Variants in RAX2 observed in about 807,000 individuals in gnomAD.
RAX2 encodes the protein retina and anterior neural fold homeobox 2.
In RAX2, 4 loss-of-function variants were observed where a neutral mutation model predicts 5.8. That is an observed-to-expected ratio of 0.69 (90% CI 0.34 to 1.58). RAX2 has a LOEUF of 1.58. Among genes scored for constraint, RAX2 ranks in the 40% most tolerant of loss-of-function variants. The pLI is 0.05. For synonymous variants in RAX2, 133 were observed against 128.8 expected (o/e 1.03, Z -0.22); for missense variants, 275 against 271.4 (o/e 1.01, Z -0.09).
At position 3,772,011 on chromosome 19, in the gene RAX2, CTGTGTG is replaced by C; in HGVS notation, c.-268-7_-268-2del. The C allele has an allele frequency of 1.9e-6, 1 of 524,238 alleles. No individual in the cohort carries two copies. The highest frequency in any genetic ancestry group is 3.4e-6 in the Non-Finnish European group (1 of 293,690). 32.5% of individuals were successfully genotyped at this position (524,238 alleles called of 1,614,324 possible). A position where few individuals can be genotyped will look rare whatever the true frequency, so the allele number is the denominator to read the frequency against. The stretch of plus-strand genomic sequence containing the variant: ...TTCCCCTCTCTGTGACTGTCACGGC[CTGTGTG>C]TGTGTGTGTCGGCGGGGGGGGGTCA... On this transcript the variant is annotated splice_acceptor_variant and splice_polypyrimidine_tract_variant and intron_variant, in intron 1 of 2. Transcript: ENST00000555633. LOFTEE classifies it low-confidence loss of function (5UTR_SPLICE).
Position 3,770,426 on chromosome 19 carries a change from CGATGGGGTGGGAGACGG to C in RAX2, c.*178_*194del. 1 of 568,314 alleles carries C rather than the reference CGATGGGGTGGGAGACGG, an allele frequency of 1.8e-6. No individual in the cohort carries two copies. Among genetic ancestry groups the C allele is most frequent in the Non-Finnish European group, 3.1e-6 (1 of 326,424 alleles). The allele number at this position is 568,314 out of a possible 1,614,324, so 35.2% of individuals were successfully genotyped here. On this transcript the variant is annotated 3_prime_UTR_variant, in exon 3 of 3. Coordinates refer to ENST00000555633, the MANE Select transcript of RAX2 (RefSeq NM_001319074.4). ...AGTCCGCTGCCAGCAGGACGGGTGG[CGATGGGGTGGGAGACGG>C]GATGGGGGCAGGGAACCCAGCAGCC... is the stretch of plus-strand genomic sequence containing the variant.
At position 3,770,599 on chromosome 19, in the gene RAX2, G is replaced by A. The variant is rs922852315; in HGVS notation, c.*22C>T. On this transcript the variant is annotated 3_prime_UTR_variant, in exon 3 of 3. Coordinates refer to ENST00000555633, the MANE Select transcript of RAX2 (RefSeq NM_001319074.4). ...CCGGTTCTCGGGTTGGGCCGAGGAG[G>A]GGGCCCGGGAGGGCGGCAGGCTCAG... 16 of 1,528,320 alleles carry A rather than the reference G, an allele frequency of 1.0e-5. No homozygotes were observed. The highest frequency in any genetic ancestry group is 1.4e-5 in the Non-Finnish European group (16 of 1,142,914). The allele number at this position is 1,528,320 out of a possible 1,614,324, so 94.7% of individuals were successfully genotyped here.
rs1383575685 is a variant in RAX2, at chr19:3,771,988, C to G, written c.-246G>C. ...TGTGTCACCGTCCCTGTTTTCTCTTCCCCTCTCTGTGACTGTCACGGCCTG... is the reference window on the plus strand; with the variant it reads ...TGTGTCACCGTCCCTGTTTTCTCTTGCCCTCTCTGTGACTGTCACGGCCTG... On this transcript the variant is annotated 5_prime_UTR_variant, in exon 2 of 3. Coordinates refer to ENST00000555633, the MANE Select transcript of RAX2 (RefSeq NM_001319074.4). This position sits in a 1 kb window ranked among gnomAD's most constrained non-coding sequence, Gnocchi z 4.2. 12 of 655,908 alleles carry G rather than the reference C, an allele frequency of 1.8e-5. No individual in the cohort carries two copies. The South Asian group carries it at 2.1e-4, about 12-fold the overall frequency. The allele number at this position is 655,908 out of a possible 1,614,324, so 40.6% of individuals were successfully genotyped here.
Position 3,772,027 on chromosome 19 carries a change from C to T in RAX2, c.-268-17G>A, listed in dbSNP as rs1305118592. 7.1e-6 allele frequency: 3 copies of T among 422,794 alleles called. No homozygotes were observed. Among genetic ancestry groups the T allele is most frequent in the East Asian group, 3.8e-5 (1 of 26,136 alleles). 26.2% of individuals were successfully genotyped at this position (422,794 alleles called of 1,614,324 possible). On this transcript the variant is annotated splice_polypyrimidine_tract_variant and intron_variant, in intron 1 of 2. Coordinates refer to ENST00000555633, the MANE Select transcript of RAX2 (RefSeq NM_001319074.4). ...TGTCACGGCCTGTGTGTGTGTGTGT[C>T]GGCGGGGGGGGGTCAAGGATGCCCC...
Position 3,771,550 on chromosome 19 carries a change from G to A in RAX2, c.193C>T (p.His65Tyr). The change falls in exon 2 of 3, where the codon CAC becomes TAC. Residue 65 changes from histidine (H) to tyrosine (Y), a missense_variant. Transcript: ENST00000555633. The surrounding 1 kb of genome is among the most constrained non-coding windows in gnomAD (Gnocchi z 4.2). ...YSREELAAKVHLPEVRVQVWF... is the reference protein window; with the variant it reads ...YSREELAAKVYLPEVRVQVWF... Reference sequence around the variant, plus strand: ...ACCTGCACGCGCACCTCAGGTAGGTGCACCTTGGCTGCCAGCTCCTCACGG... The same window carrying A: ...ACCTGCACGCGCACCTCAGGTAGGTACACCTTGGCTGCCAGCTCCTCACGG... 6.2e-7 allele frequency: 1 copy of A among 1,606,726 alleles called. No homozygotes were observed. The highest frequency in any genetic ancestry group is 8.5e-7 in the Non-Finnish European group (1 of 1,177,262).
At position 3,770,562 on chromosome 19, in the gene RAX2, C is replaced by A; in HGVS notation, c.*59G>T. On this transcript the variant is annotated 3_prime_UTR_variant, in exon 3 of 3. Transcript: ENST00000555633. ...TAGGCCAAGGCGTGGTGGCTGTCAC[C>A]AGGGCACGTCCCCGGTTCTCGGGTT... 1 of 1,468,834 alleles carries A rather than the reference C, an allele frequency of 6.8e-7. No homozygotes were observed. Among genetic ancestry groups the A allele is most frequent in the Non-Finnish European group, 9.1e-7 (1 of 1,094,400 alleles). The allele number at this position is 1,468,834 out of a possible 1,614,324, so 91.0% of individuals were successfully genotyped here.
In RAX2 at chr19:3,770,309, AAC is replaced by A; in HGVS notation, c.*310_*311del. 2.3e-6 allele frequency: 1 copy of A among 436,004 alleles called. No individual in the cohort carries two copies. Among genetic ancestry groups the A allele is most frequent in the Non-Finnish European group, 4.1e-6 (1 of 245,334 alleles). The allele number at this position is 436,004 out of a possible 1,614,324, so 27.0% of individuals were successfully genotyped here. On this transcript the variant is annotated 3_prime_UTR_variant, in exon 3 of 3. Coordinates refer to ENST00000555633, the MANE Select transcript of RAX2 (RefSeq NM_001319074.4). ...ACCTCGGAGGCCCCCACGCCCAATTAACAGACAGGAGACTGAGGCCCCAGGAG... is the reference window on the plus strand; with the variant it reads ...ACCTCGGAGGCCCCCACGCCCAATTAAGACAGGAGACTGAGGCCCCAGGAG...
At chr19:3,772,039 G>A in intron 1 of RAX2, 29 bp from the exon 2 acceptor site, 1 of 503,682 alleles carries the variant, frequency 2.0e-6, no homozygotes, top group South Asian at 2.0e-5. Context: ...GCGGGGGGGG[G>A]TCAAGGATGC....
chr19:3,770,588 G>A lies in RAX2; in HGVS notation c.*33C>T. 1 of 1,519,370 alleles carries A rather than the reference G, an allele frequency of 6.6e-7. No homozygotes were observed. 94.1% of individuals were successfully genotyped at this position (1,519,370 alleles called of 1,614,324 possible). On this transcript the variant is annotated 3_prime_UTR_variant, in exon 3 of 3. Coordinates refer to ENST00000555633, the MANE Select transcript of RAX2 (RefSeq NM_001319074.4). ...AGGGCACGTCCCCGGTTCTCGGGTT[G>A]GGCCGAGGAGGGGGCCCGGGAGGGC...
rs984751573 is a variant in RAX2 at position 3,770,251 on chromosome 19, C to T, written c.*370G>A. 4.3e-5 allele frequency: 13 copies of T among 301,356 alleles called. No homozygotes were observed. Among genetic ancestry groups the T allele is most frequent in the African/African-American group, 1.8e-4 (8 of 44,904 alleles). 18.7% of individuals were successfully genotyped at this position (301,356 alleles called of 1,614,324 possible). On this transcript the variant is annotated 3_prime_UTR_variant, in exon 3 of 3. Transcript: ENST00000555633. ...ATTTACACTCATCTTACAGAGTCAG[C>T]GGTCCCGCCACCCACAGCCTCGCAG... is the stretch of plus-strand genomic sequence containing the variant.
At position 3,770,901 on chromosome 19, in the gene RAX2, G is replaced by A. The variant is rs754730849; in HGVS notation, c.275C>T (p.Ser92Leu). Residue 92 changes from serine to leucine, a missense_variant, in exon 3 of 3, where the codon TCG becomes TTG. Ser to Leu is a moderately radical substitution (Grantham distance 145). Transcript: ENST00000555633. ...GAGTCTCGGAGCTGCCACGGCACCC[G>A]AGCCTGACTCCAGCCGCTCCTGGCG... Reference protein sequence around the residue: ...WRRQERLESGSGAVAAPRLPE... With the variant: ...WRRQERLESGLGAVAAPRLPE... The A allele has an allele frequency of 7.9e-5, 123 of 1,548,436 alleles. No homozygotes were observed. The highest frequency in any genetic ancestry group is 1.3e-4 in the South Asian group (11 of 85,380).
At position 3,772,224 on chromosome 19, in the gene RAX2, C is replaced by T. The variant is rs370564299; in HGVS notation, c.-330G>A. 4 of 447,528 alleles carry T rather than the reference C, an allele frequency of 8.9e-6. No homozygotes were observed. The highest frequency in any genetic ancestry group is 7.0e-5 in the East Asian group (1 of 14,266). 27.7% of individuals were successfully genotyped at this position (447,528 alleles called of 1,614,324 possible). The stretch of plus-strand genomic sequence containing the variant: ...ACCTGCCCCAGCGGGCCTGGCGCTG[C>T]GTCTGCTGTGGCCTGGCCCTGCCGG... On this transcript the variant is annotated 5_prime_UTR_variant, in exon 1 of 3. Coordinates refer to ENST00000555633, the MANE Select transcript of RAX2 (RefSeq NM_001319074.4).
At position 3,770,487 on chromosome 19, in the gene RAX2, C is replaced by A; in HGVS notation, c.*134G>T. 1.4e-6 allele frequency: 1 copy of A among 730,448 alleles called. No individual in the cohort carries two copies. Among genetic ancestry groups the A allele is most frequent in the South Asian group, 1.9e-5 (1 of 53,440 alleles). 45.2% of individuals were successfully genotyped at this position (730,448 alleles called of 1,614,324 possible). A position where few individuals can be genotyped will look rare whatever the true frequency, so the allele number is the denominator to read the frequency against. Reference sequence around the variant, plus strand: ...AGCAGCCTGTCTCTCTGGTCCCGCTCCCCAGTGGTGGTGGCCTGGCCTGAC... The same window carrying A: ...AGCAGCCTGTCTCTCTGGTCCCGCTACCCAGTGGTGGTGGCCTGGCCTGAC... On this transcript the variant is annotated 3_prime_UTR_variant, in exon 3 of 3. Transcript: ENST00000555633.
At position 3,771,609 on chromosome 19, in the gene RAX2, G is replaced by A. The variant is rs775581464; in HGVS notation, c.134C>T (p.Ala45Val). 24 of 1,612,352 alleles carry A rather than the reference G, an allele frequency of 1.5e-5. No homozygotes were observed. Among genetic ancestry groups the A allele is most frequent in the Non-Finnish European group, 1.9e-5 (23 of 1,179,612 alleles). The part of the protein sequence containing the change: ...TTYQLHQLER[A>V]FEASHYPDVY... ...ATCCGGGTAGTGAGAGGCCTCGAAC[G>A]CCCGCTCCAGCTGGTGCAGCTGGTA... The change falls in exon 2 of 3, where the codon GCG (alanine) becomes GTG (valine). Residue 45 changes from alanine to valine, a missense_variant. Physicochemically the swap from Ala to Val is moderately conservative, Grantham distance 64. Transcript: ENST00000555633. The surrounding 1 kb of genome is among the most constrained non-coding windows in gnomAD (Gnocchi z 4.2).
At position 3,769,144 on chromosome 19, in the gene RAX2, C is replaced by G. The variant is rs1322664820; in HGVS notation, c.*1477G>C. 1.3e-5 allele frequency: 2 copies of G among 152,260 alleles called. No homozygotes were observed. The highest frequency in any genetic ancestry group is 2.9e-5 in the Non-Finnish European group (2 of 68,070). 9.4% of individuals were successfully genotyped at this position (152,260 alleles called of 1,614,324 possible). A position where few individuals can be genotyped will look rare whatever the true frequency, so the allele number is the denominator to read the frequency against. ...TGAGTCAGGGTCTGGCTCTGTTGCACAGGCTGGAGTGCAGCAGTGTGATCA... is the reference window on the plus strand; with the variant it reads ...TGAGTCAGGGTCTGGCTCTGTTGCAGAGGCTGGAGTGCAGCAGTGTGATCA... On this transcript the variant is annotated 3_prime_UTR_variant, in exon 3 of 3. Transcript: ENST00000555633.
At position 3,770,497 on chromosome 19, in the gene RAX2, G is replaced by T; in HGVS notation, c.*124C>A. On this transcript the variant is annotated 3_prime_UTR_variant, in exon 3 of 3. Coordinates refer to ENST00000555633, the MANE Select transcript of RAX2 (RefSeq NM_001319074.4). The stretch of plus-strand genomic sequence containing the variant: ...CTCTCTGGTCCCGCTCCCCAGTGGT[G>T]GTGGCCTGGCCTGACCACGGTTGCT... 1 of 801,822 alleles carries T rather than the reference G, an allele frequency of 1.2e-6. No individual in the cohort carries two copies. Among genetic ancestry groups the T allele is most frequent in the Non-Finnish European group, 1.9e-6 (1 of 523,514 alleles). 49.7% of individuals were successfully genotyped at this position (801,822 alleles called of 1,614,324 possible). A position where few individuals can be genotyped will look rare whatever the true frequency, so the allele number is the denominator to read the frequency against.
Position 3,770,773 on chromosome 19 carries a change from G to T in RAX2, c.403C>A (p.Leu135Ile). The change falls in exon 3 of 3, where the codon CTC (leucine) becomes ATC (isoleucine). Residue 135 changes from leucine (L) to isoleucine (I), a missense_variant. Coordinates refer to ENST00000555633, the MANE Select transcript of RAX2 (RefSeq NM_001319074.4). ...GPPAVPGLPRLLGPGPGLQAS... is the reference protein window; with the variant it reads ...GPPAVPGLPRILGPGPGLQAS... ...TGCAGCCCCGGGCCCGGGCCCAGGA[G>T]GCGGGGGAGGCCTGGCACGGCCGGC... 1.3e-6 allele frequency: 2 copies of T among 1,527,030 alleles called. No homozygotes were observed. The highest frequency in any genetic ancestry group is 1.7e-6 in the Non-Finnish European group (2 of 1,142,918). The allele number at this position is 1,527,030 out of a possible 1,614,324, so 94.6% of individuals were successfully genotyped here. A position where few individuals can be genotyped will look rare whatever the true frequency, so the allele number is the denominator to read the frequency against.
Position 3,771,599 on chromosome 19 carries a change from G to A in RAX2, c.144C>T (p.Ala48=), listed in dbSNP as rs748981950. 30 of 1,612,118 alleles carry A rather than the reference G, an allele frequency of 1.9e-5. No homozygotes were observed. Among genetic ancestry groups the A allele is most frequent in the Non-Finnish European group, 2.4e-5 (28 of 1,179,546 alleles). Residue 48 remains alanine (A), a synonymous_variant, in exon 2 of 3, where the codon GCC becomes GCT. Transcript: ENST00000555633. The surrounding 1 kb of genome is among the most constrained non-coding windows in gnomAD (Gnocchi z 4.2). ...QLHQLERAFE[A]SHYPDVYSRE... ...GGCTGTACACATCCGGGTAGTGAGA[G>A]GCCTCGAACGCCCGCTCCAGCTGGT...
rs1252745152 is a variant in RAX2, at chr19:3,772,170, G to A, written c.-276C>T. On this transcript the variant is annotated 5_prime_UTR_variant, in exon 1 of 3. Transcript: ENST00000555633. ...TGCCCACCCCGCACTCACCGCCCAC[G>A]GCAGCCCCTCCGTCGATTTCCACGG... 1 of 458,088 alleles carries A rather than the reference G, an allele frequency of 2.2e-6. No individual in the cohort carries two copies. Among genetic ancestry groups the A allele is most frequent in the Non-Finnish European group, 4.3e-6 (1 of 230,240 alleles). 28.4% of individuals were successfully genotyped at this position (458,088 alleles called of 1,614,324 possible).
Sources: allele counts gnomAD v4.1 joint callset, GRCh38; gene constraint gnomAD v4.1.1; non-coding constraint Gnocchi (gnomAD v3.1); transcripts MANE v1.5; gene names NCBI Gene and HGNC (gene_info 2026-07-23, HGNC 2026-07-21).